Variants in SCFD2 observed in about 807,000 individuals in gnomAD.
SCFD2 encodes sec1 family domain-containing protein 2.
Under a neutral mutation model 58.9 loss-of-function variants are expected in SCFD2, and 54 were observed. The ratio of observed to expected loss-of-function variants is 0.92; its 90% CI spans 0.74 to 1.15. The LOEUF (loss-of-function observed/expected upper bound fraction) is 1.15. Among genes scored for constraint, SCFD2 ranks in the 50% most tolerant of loss-of-function variants. The pLI is 0.00. For missense variants in SCFD2, 805 were observed against 836.6 expected, an observed-to-expected ratio of 0.96 and a Z score of 0.47; for synonymous variants, 321 against 335.9, an observed-to-expected ratio of 0.96 and a Z score of 0.49.
chr4:53,237,408 AG>A (rs1335263213), intron 4 of SCFD2, among the ~76,000 whole-genome samples: 233 of 147,842 alleles, frequency 1.6e-3, no homozygotes, highest in African/African-American at 5.7e-3. Context: ...ACTTCCCAGT[AG>A]GGGGCGGCCG....
At chr4:53,303,707 G>A (rs910468346) in intron 3 of SCFD2, among the ~76,000 whole-genome samples, 1 of 151,994 alleles carries the variant, frequency 6.6e-6, no homozygotes, top group African/African-American at 2.4e-5. Flanking sequence ...CAACCCAAAT[G>A]TCCAGCAATG....
At chr4:53,250,515 G>A (rs539910611) in intron 4 of SCFD2, among the ~76,000 whole-genome samples, 1 of 152,272 alleles carries the variant, frequency 6.6e-6, no homozygotes, top group East Asian at 1.9e-4. Flanking sequence ...CTCAGCAAAT[G>A]TAAAAGAACA....
At position 53,365,500 on chromosome 4, in the gene SCFD2, T is replaced by C. The variant is rs1355307177; in HGVS notation, c.442A>G (p.Asn148Asp). The change falls in exon 1 of 9, where the codon AAC (asparagine) becomes GAC (aspartate). Residue 148 changes from asparagine (N) to aspartate (D), a missense_variant. By Grantham distance (23) the Asn-to-Asp change is conservative. Around this residue, in one of 3 missense-constraint regions of SCFD2, gnomAD observed 633 missense variants for 646.8 expected, o/e 0.98. Transcript: ENST00000401642. This position sits in a 1 kb window ranked among gnomAD's most constrained non-coding sequence, Gnocchi z 4.3. ...ACATGGAACACCTCGGCCGTGTAGT[T>C]CATGTTGCCCATCCATTCACACAGC... ...EKLCEWMGNMNYTAEVFHVPL... is the reference protein window; with the variant it reads ...EKLCEWMGNMDYTAEVFHVPL... 3.7e-6 allele frequency: 6 copies of C among 1,614,120 alleles called. No individual in the cohort carries two copies. Among genetic ancestry groups the C allele is most frequent in the Non-Finnish European group, 4.2e-6 (5 of 1,180,026 alleles).
intron 2 of SCFD2, among the ~76,000 whole-genome samples, chr4:53,344,208 T>C (rs1168799590): frequency 1.3e-5 from 2 of 152,022 alleles, no homozygotes; most frequent in Non-Finnish European, 2.9e-5. Flanking sequence ...CCCCATCATC[T>C]CAGCCCAAAA....
At chr4:53,230,125 G>C (rs1729382242) in intron 4 of SCFD2, among the ~76,000 whole-genome samples, 1 of 152,272 alleles carries the variant, frequency 6.6e-6, no homozygotes, top group East Asian at 1.9e-4. Flanking sequence ...GGAAACAACA[G>C]GTGCTGGAGA....
intron 4 of SCFD2, among the ~76,000 whole-genome samples, chr4:53,241,650 C>A (rs1355394468): frequency 6.6e-6 from 1 of 152,234 alleles, no homozygotes; most frequent in Admixed American, 6.5e-5. Context: ...TTTGCCAGCA[C>A]ATGTGTGCAC....
chr4:53,174,991 G>A lies in SCFD2; in HGVS notation c.1312-29409C>T, dbSNP rs140143413. On this transcript the variant is annotated intron_variant, in intron 4 of 8. Coordinates refer to ENST00000401642, the MANE Select transcript of SCFD2 (RefSeq NM_152540.4). ...CACAGCTCCATATTGACTATAGAAA[G>A]TCTTACTCAGCTCTAATTTCAGTTT... is the stretch of plus-strand genomic sequence containing the variant. Among the ~76,000 whole-genome samples the A allele has an allele frequency of 1.4e-3, 208 of 152,236 alleles. 3 individuals carry two copies. In the East Asian group the frequency reaches 0.02, roughly 15 times the overall value.
chr4:53,038,667 G>GA (rs767478448), intron 5 of SCFD2, among the ~76,000 whole-genome samples: 25 of 150,164 alleles, frequency 1.7e-4, no homozygotes, highest in Non-Finnish European at 3.7e-4. Context: ...GTTGTTAACA[G>GA]AAAAAAGAAG....
intron 4 of SCFD2, among the ~76,000 whole-genome samples, chr4:53,247,695 T>TA (rs1486917453): frequency 6.7e-6 from 1 of 148,306 alleles, no homozygotes; most frequent in Non-Finnish European, 1.5e-5. Flanking sequence ...CCGTCTCTAC[T>TA]AAAAAAATAC....
chr4:53,300,041 T>G (rs1040047837), intron 3 of SCFD2, among the ~76,000 whole-genome samples: 1 of 152,092 alleles, frequency 6.6e-6, no homozygotes, highest in African/African-American at 2.4e-5. Flanking sequence ...CTGCATCAAC[T>G]AACGAGCAAA....
chr4:53,053,135 G>A (rs1037747755), intron 5 of SCFD2, among the ~76,000 whole-genome samples: 8 of 151,858 alleles, frequency 5.3e-5, no homozygotes, highest in African/African-American at 1.9e-4. Flanking sequence ...TGAGGCGGGA[G>A]GATCATTTGA....
At chr4:53,206,248 C>A (rs768542208) in intron 4 of SCFD2, among the ~76,000 whole-genome samples, 2 of 152,092 alleles carry the variant, frequency 1.3e-5, no homozygotes, top group Non-Finnish European at 2.9e-5. Flanking sequence ...ACACAGACAG[C>A]AAAGTGTGTA....
At chr4:53,364,028 C>G (rs1734628074) in intron 1 of SCFD2, among the ~76,000 whole-genome samples, 1 of 151,978 alleles carries the variant, frequency 6.6e-6, no homozygotes, top group Non-Finnish European at 1.5e-5. Context: ...ATAGCATCCA[C>G]AAAAAAACTC....
At chr4:52,960,597 G>A (rs910805651) in intron 5 of SCFD2, among the ~76,000 whole-genome samples, 12 of 151,842 alleles carry the variant, frequency 7.9e-5, no homozygotes, top group African/African-American at 2.4e-4. Context: ...TCAAACTCCC[G>A]ACCTCAGGTG....
At chr4:53,171,938 C>G (rs575797720) in intron 4 of SCFD2, among the ~76,000 whole-genome samples, 65 of 150,684 alleles carry the variant, frequency 4.3e-4, no homozygotes, top group African/African-American at 1.4e-3. Flanking sequence ...AAAATCTGCT[C>G]TTAATGTCAT....
At chr4:53,118,068 A>G (rs147428705) in intron 5 of SCFD2, among the ~76,000 whole-genome samples, 1 of 152,316 alleles carries the variant, frequency 6.6e-6, no homozygotes, top group African/African-American at 2.4e-5. Flanking sequence ...GCCAGGTACT[A>G]TGTGACATGG....
intron 5 of SCFD2, among the ~76,000 whole-genome samples, chr4:52,932,102 T>C (rs974778799): frequency 6.6e-6 from 1 of 152,186 alleles, no homozygotes; most frequent in Admixed American, 6.5e-5. Context: ...TGGTTGCTGG[T>C]TTAAAAAATA....
intron 4 of SCFD2, among the ~76,000 whole-genome samples, chr4:53,227,047 C>A (rs1469997855): frequency 6.6e-6 from 1 of 152,152 alleles, no homozygotes; most frequent in Non-Finnish European, 1.5e-5. Flanking sequence ...TGCTGTCTTC[C>A]TGCGAAAGAA....
At chr4:53,059,310 G>T (rs559142836) in intron 5 of SCFD2, among the ~76,000 whole-genome samples, 14 of 152,252 alleles carry the variant, frequency 9.2e-5, no homozygotes, top group African/African-American at 3.4e-4. Context: ...GTAGTGAAGG[G>T]CAAAGCCAGC....
Sources: gnomAD v4.1 joint callset for allele counts (sites outside exome capture counted in the v4.1 genomes callset) on GRCh38, gnomAD v4.1.1 for gene constraint, gnomAD v4.1.1 regional missense constraint, Gnocchi (gnomAD v3.1) non-coding constraint, MANE v1.5 for transcripts, NCBI Gene and HGNC (gene_info 2026-07-23, HGNC 2026-07-21) for gene names.